Variants in WNT5A observed in about 807,000 individuals in gnomAD.
WNT5A encodes protein Wnt-5a.
A neutral mutation model predicts 42.1 loss-of-function variants in WNT5A; 9 were observed. The ratio of observed to expected loss-of-function variants is 0.21; its 90% confidence interval spans 0.13 to 0.37. The LOEUF (loss-of-function observed/expected upper bound fraction) is 0.37. Among genes scored for constraint, WNT5A ranks in the 10% least tolerant of loss-of-function variants. The pLI, the probability that WNT5A is intolerant of heterozygous loss-of-function variation, is 1.00. For missense variants in WNT5A, 426 were observed against 534.0 expected (o/e 0.80, Z 1.99); for synonymous variants, 210 against 210.0 (o/e 1.00, Z 0.00).
intron 4 of WNT5A, among the ~76,000 whole-genome samples, chr3:55,471,132 T>A (rs1048763942): frequency 1.3e-5 from 2 of 152,186 alleles, no homozygotes; most frequent in African/African-American, 4.8e-5. Context: ...GTTCAAATCT[T>A]AACCCATTAC....
chr3:55,470,241 T>G lies in WNT5A; in HGVS notation c.994A>C (p.Met332Leu), dbSNP rs768254997. The change falls in exon 5 of 5, where the codon ATG (methionine) becomes CTG (leucine). Residue 332 changes from methionine to leucine, a missense_variant. This residue lies in a region of WNT5A where 358 missense variants were observed against 468.1 expected (regional missense o/e 0.76). Coordinates refer to ENST00000264634, the MANE Select transcript of WNT5A (RefSeq NM_003392.7). The stretch of plus-strand genomic sequence containing the variant: ...CAGCACATGAGCTCGCAGCCATCCA[T>G]GCCCTCCGACGTCTTGTTGCACAGG... Reference protein sequence around the residue: ...GRLCNKTSEGMDGCELMCCGR... With the variant: ...GRLCNKTSEGLDGCELMCCGR... 1 of 1,614,106 alleles carries G rather than the reference T, an allele frequency of 6.2e-7. No homozygotes were observed.
intron 1 of WNT5A, among the ~76,000 whole-genome samples, chr3:55,484,685 T>TACAC (rs67013864): frequency 0.03 from 4,164 of 137,868 alleles, 96 homozygotes; most frequent in Admixed American, 0.073. Context: ...GGCCCCAGGA[T>TACAC]ACACACACAC....
At chr3:55,500,388 G>A in the WNT5A span, among the ~76,000 whole-genome samples, 1 of 152,202 alleles carries the variant, frequency 6.6e-6, no homozygotes, top group African/African-American at 2.4e-5. Flanking sequence ...GAATACCCAG[G>A]TTAAGCACAA....
intron 1 of WNT5A, chr3:55,481,303 T>C (rs1323361544): frequency 2.0e-6 from 2 of 990,664 alleles, no homozygotes; most frequent in South Asian, 4.7e-5. Flanking sequence ...AGGAACCCGC[T>C]GCGGCCACCC....
Position 55,474,254 on chromosome 3 carries a change from G to A in WNT5A, c.684+83C>T, listed in dbSNP as rs2051304914. The A allele has an allele frequency of 7.7e-6, 12 of 1,565,826 alleles. 1 individual carries two copies. In the South Asian group the frequency reaches 1.3e-4, roughly 17 times the overall value. On this transcript the variant is annotated intron_variant, in intron 4 of 4. Transcript: ENST00000264634. ...CAAAGGAGTGGCAGAGGAGAGGACG[G>A]AGCTACAGGGAGAGACCCGAGGAGG...
chr3:55,497,064 G>T, the WNT5A span, among the ~76,000 whole-genome samples: 20,948 of 152,148 alleles, frequency 0.14, 1,513 homozygotes, highest in African/African-American at 0.17. Context: ...AATTAGTATT[G>T]TACGTGCCAG....
Position 55,478,678 on chromosome 3 carries a change from AT to A in WNT5A, c.391+635del, listed in dbSNP as rs1262510783. Among the ~76,000 whole-genome samples the A allele has an allele frequency of 2.7e-4, 41 of 151,576 alleles. No individual in the cohort carries two copies. The South Asian group carries it at 8.4e-3, about 31-fold the overall frequency. ...AATCGGACTGTGAGCAATACTCTTA[AT>A]TTTTTTTTCAAGTTCCTAGGTTGAC... On this transcript the variant is annotated intron_variant, in intron 3 of 4. Coordinates refer to ENST00000264634, the MANE Select transcript of WNT5A (RefSeq NM_003392.7).
At position 55,477,051 on chromosome 3, in the gene WNT5A, A is replaced by C. The variant is rs554846766; in HGVS notation, c.391+2263T>G. Among the ~76,000 whole-genome samples, 227 of 152,284 alleles carry C rather than the reference A, an allele frequency of 1.5e-3. 1 individual carries two copies. Among genetic ancestry groups the C allele is most frequent in the Non-Finnish European group, 1.3e-3 (91 of 68,020 alleles). On this transcript the variant is annotated intron_variant, in intron 3 of 4. Coordinates refer to ENST00000264634, the MANE Select transcript of WNT5A (RefSeq NM_003392.7). ...GGAGGGGGTCAGAGGTGGCGGCCTG[A>C]ATTTCTCAGACACTGGCCCCATCAC...
At chr3:55,477,502 G>C (rs1478840233) in intron 3 of WNT5A, among the ~76,000 whole-genome samples, 1 of 152,088 alleles carries the variant, frequency 6.6e-6, no homozygotes, top group South Asian at 2.1e-4. Context: ...CTGTCTCAGA[G>C]GGTGTGGAGA....
chr3:55,478,720 T>C (rs1402926171), intron 3 of WNT5A, among the ~76,000 whole-genome samples: 1 of 152,192 alleles, frequency 6.6e-6, no homozygotes, highest in Non-Finnish European at 1.5e-5. Context: ...AAGCATGTGC[T>C]TTTATTATAT....
intron 1 of WNT5A, 112 bp downstream of exon 1, chr3:55,486,868 T>A (rs556421898): frequency 1.2e-6 from 1 of 820,606 alleles, no homozygotes; most frequent in South Asian, 1.4e-5. Context: ...TCCAGCTTCT[T>A]CAGGCGGTTG....
upstream of WNT5A, among the ~76,000 whole-genome samples, chr3:55,493,447 A>G (rs1368731292): frequency 6.6e-6 from 1 of 152,132 alleles, no homozygotes. Context: ...TTTCCCCATG[A>G]TTCTCTACTC....
intron 4 of WNT5A, among the ~76,000 whole-genome samples, chr3:55,471,917 A>G (rs1386972164): frequency 6.6e-6 from 1 of 152,184 alleles, no homozygotes; most frequent in African/African-American, 2.4e-5. Context: ...GGCTCTTTTA[A>G]AGGGGGCCAA....
chr3:55,494,878 C>G (rs2051699371), upstream of WNT5A, among the ~76,000 whole-genome samples: 1 of 152,292 alleles, frequency 6.6e-6, no homozygotes, highest in African/African-American at 2.4e-5. Context: ...CCAAATTCAT[C>G]CCTTCCAGAT....
At chr3:55,473,130 A>G (rs565621777) in intron 4 of WNT5A, among the ~76,000 whole-genome samples, 2 of 152,330 alleles carry the variant, frequency 1.3e-5, no homozygotes, top group South Asian at 4.1e-4. Flanking sequence ...CATGAATTCA[A>G]TAAAAACGTA....
the WNT5A span, among the ~76,000 whole-genome samples, chr3:55,498,876 T>C: frequency 1.3e-5 from 2 of 152,090 alleles, no homozygotes; most frequent in African/African-American, 2.4e-5. Context: ...TTGGGGGGCA[T>C]CATATAACAA....
At chr3:55,499,297 G>A in the WNT5A span, among the ~76,000 whole-genome samples, 2 of 152,168 alleles carry the variant, frequency 1.3e-5, no homozygotes, top group Non-Finnish European at 2.9e-5. Flanking sequence ...AGAGTGGGAG[G>A]TGATTCCATG....
rs1342274196 is a variant in WNT5A, at chr3:55,483,150, A to G, written c.7-2232T>C. On this transcript the variant is annotated intron_variant, in intron 1 of 4. Transcript: ENST00000264634. The surrounding 1 kb of genome is among the most constrained non-coding windows in gnomAD (Gnocchi z 4.2). ...CTCCCAGCCCGAAGCCCCCAGGGAGAGTCCACCAGTTCCCAGAGCCCAGGC... is the reference window on the plus strand; with the variant it reads ...CTCCCAGCCCGAAGCCCCCAGGGAGGGTCCACCAGTTCCCAGAGCCCAGGC... Among the ~76,000 whole-genome samples, 1 of 152,138 alleles carries G rather than the reference A, an allele frequency of 6.6e-6. No homozygotes were observed. Among genetic ancestry groups the G allele is most frequent in the Non-Finnish European group, 1.5e-5 (1 of 68,010 alleles).
At chr3:55,472,700 T>C (rs568228290) in intron 4 of WNT5A, among the ~76,000 whole-genome samples, 30 of 152,302 alleles carry the variant, frequency 2.0e-4, no homozygotes, top group Non-Finnish European at 3.5e-4. Flanking sequence ...CTGTAGAGTT[T>C]AGTCCTTCCC....
Sources: allele counts gnomAD v4.1 joint callset (sites outside exome capture counted in the v4.1 genomes callset), GRCh38; gene constraint gnomAD v4.1.1; regional missense constraint gnomAD v4.1.1; non-coding constraint Gnocchi (gnomAD v3.1); transcripts MANE v1.5; gene names NCBI Gene and HGNC (gene_info 2026-07-23, HGNC 2026-07-21).